CCDC158: variants seen among roughly 807,000 people sequenced by gnomAD.
The protein encoded by CCDC158 is coiled-coil domain-containing protein 158.
A neutral mutation model predicts 138.6 loss-of-function variants in CCDC158; 116 were observed. The ratio of observed to expected loss-of-function variants is 0.84; its 90% CI spans 0.72 to 0.98. The LOEUF is 0.98. Ranked by LOEUF, CCDC158 falls within the 50% of genes least tolerant of loss-of-function variation. The pLI, the probability that CCDC158 is intolerant of heterozygous loss-of-function variation, is 0.00. For synonymous variants in CCDC158, 436 were observed against 442.4 expected (o/e 0.99, Z 0.18); for missense variants, 1,265 against 1,306.1 (o/e 0.97, Z 0.48).
intron 4 of CCDC158, among the ~76,000 whole-genome samples, chr4:76,388,069 C>T (rs761944726): frequency 7.9e-5 from 12 of 152,034 alleles, no homozygotes; most frequent in Non-Finnish European, 1.6e-4. Context: ...CCTGAATAAC[C>T]AGCAGTGATA....
chr4:76,386,899 T>C (rs1015433220), intron 4 of CCDC158, among the ~76,000 whole-genome samples: 3 of 152,140 alleles, frequency 2.0e-5, no homozygotes, highest in African/African-American at 7.2e-5. Context: ...AGGGGAATGG[T>C]CCATTTCAGT....
intron 12 of CCDC158, among the ~76,000 whole-genome samples, chr4:76,363,194 C>A (rs1724320898): frequency 6.6e-6 from 1 of 152,154 alleles, no homozygotes. Flanking sequence ...TGGGACCAAA[C>A]TCCAATATAA....
At chr4:76,353,939 T>C (rs1723286490) in intron 15 of CCDC158, among the ~76,000 whole-genome samples, 1 of 152,212 alleles carries the variant, frequency 6.6e-6, no homozygotes. Context: ...AGTCTACATT[T>C]CTTTATGTAT....
intron 23 of CCDC158, among the ~76,000 whole-genome samples, chr4:76,324,716 C>A (rs1191370427): frequency 6.6e-6 from 1 of 152,208 alleles, no homozygotes; most frequent in Non-Finnish European, 1.5e-5. Flanking sequence ...TCTGATTAAT[C>A]CCAGTTCCAG....
chr4:76,376,026 C>T (rs1302344131), intron 9 of CCDC158, among the ~76,000 whole-genome samples: 1 of 151,914 alleles, frequency 6.6e-6, no homozygotes, highest in Non-Finnish European at 1.5e-5. Context: ...TATCAACACA[C>T]CTTTATTAGT....
In CCDC158 at chr4:76,399,190, T is replaced by C. The variant is rs531222183; in HGVS notation, c.71-2704A>G. 8.9e-4 allele frequency among the ~76,000 whole-genome samples: 136 copies of C among 152,312 alleles called. 1 individual carries two copies. The highest frequency in any genetic ancestry group is 3.0e-3 in the African/African-American group (123 of 41,568). ...GCAAATATGACAAAATGTGGACAGC[T>C]GGTGAATCCAGCTGGAGGGTATATA... On this transcript the variant is annotated intron_variant, in intron 3 of 24. Coordinates refer to ENST00000682701, the MANE Select transcript of CCDC158 (RefSeq NM_001394954.1).
intron 2 of CCDC158, among the ~76,000 whole-genome samples, chr4:76,408,582 A>G (rs1729029370): frequency 6.6e-6 from 1 of 152,098 alleles, no homozygotes; most frequent in South Asian, 2.1e-4. Context: ...AATCCAGTCT[A>G]TCATTGTTGG....
chr4:76,418,762 A>G (rs559845456), intron 1 of CCDC158, among the ~76,000 whole-genome samples: 2 of 152,120 alleles, frequency 1.3e-5, no homozygotes, highest in African/African-American at 2.4e-5. Context: ...CCCGCAACAC[A>G]CGGGAATTGT....
chr4:76,362,727 G>C (rs1724271501), intron 12 of CCDC158, among the ~76,000 whole-genome samples: 1 of 152,214 alleles, frequency 6.6e-6, no homozygotes, highest in South Asian at 2.1e-4. Context: ...GAAGCAGCTA[G>C]GTGAGGGCCT....
At chr4:76,332,310 C>A in intron 20 of CCDC158, 122 bp downstream of exon 20, 1 of 708,458 alleles carries the variant, frequency 1.4e-6, no homozygotes, top group East Asian at 3.0e-5. Context: ...AGTTAAACAA[C>A]GAACCCAATA....
intron 18 of CCDC158, among the ~76,000 whole-genome samples, chr4:76,348,834 G>A (rs1317344711): frequency 6.6e-6 from 1 of 152,076 alleles, no homozygotes. Context: ...AAGGCATGAT[G>A]AATAAACAAT....
intron 18 of CCDC158, among the ~76,000 whole-genome samples, chr4:76,338,696 C>G (rs1721772494): frequency 6.6e-6 from 1 of 152,250 alleles, no homozygotes; most frequent in African/African-American, 2.4e-5. Flanking sequence ...TACAGCTGCA[C>G]CTGGTGGCAG....
In CCDC158 at chr4:76,334,086, T is replaced by G. The variant is rs1721247797; in HGVS notation, c.2746A>C (p.Asn916His). The change falls in exon 19 of 25, where the codon AAT becomes CAT. Residue 916 changes from asparagine to histidine, a missense_variant. Transcript: ENST00000682701. Reference protein sequence around the residue: ...QLLQELRSVINEEPAVSLSKT... With the variant: ...QLLQELRSVIHEEPAVSLSKT... ...CTCAGAGACACAGCTGGCTCCTCATTGATCACGCTTCTCAACTCTTGGAGA... is the reference window on the plus strand; with the variant it reads ...CTCAGAGACACAGCTGGCTCCTCATGGATCACGCTTCTCAACTCTTGGAGA... The G allele has an allele frequency of 2.5e-6, 4 of 1,614,004 alleles. No homozygotes were observed. The East Asian group carries it at 8.9e-5, about 36-fold the overall frequency.
intron 3 of CCDC158, among the ~76,000 whole-genome samples, chr4:76,400,736 T>A (rs1728297652): frequency 6.6e-6 from 1 of 152,028 alleles, no homozygotes; most frequent in South Asian, 2.1e-4. Flanking sequence ...AAGTGGAAAA[T>A]CCACATTTGT....
At position 76,325,968 on chromosome 4, in the gene CCDC158, GAGA is replaced by G. The variant is rs1192345976; in HGVS notation, c.3055_3057del (p.Ser1019del). On this transcript the variant is annotated inframe_deletion, in exon 23 of 25. Transcript: ENST00000682701. Reference sequence around the variant, plus strand: ...AGTGAGTGCACTGGAGACTTCTTAGGAGAAGAATTGAATGAACGAGAAGCTGAG... The same window carrying G: ...AGTGAGTGCACTGGAGACTTCTTAGGAGAATTGAATGAACGAGAAGCTGAG... The G allele has an allele frequency of 4.3e-6, 7 of 1,613,108 alleles. No individual in the cohort carries two copies. Among genetic ancestry groups the G allele is most frequent in the African/African-American group, 4.0e-5 (3 of 74,888 alleles).
intron 8 of CCDC158, among the ~76,000 whole-genome samples, 164 bp downstream of exon 8, chr4:76,382,446 T>C (rs1057290795): frequency 2.0e-5 from 3 of 148,030 alleles, no homozygotes; most frequent in African/African-American, 8.0e-5. Context: ...CAGATAACAG[T>C]ACCTATGTTA....
chr4:76,409,554 G>C (rs907874084), intron 2 of CCDC158, among the ~76,000 whole-genome samples: 3 of 152,118 alleles, frequency 2.0e-5, no homozygotes, highest in African/African-American at 7.2e-5. Context: ...TATCTAGGCC[G>C]GGAGCAGTGG....
chr4:76,354,541 A>T (rs1723355615), intron 15 of CCDC158, among the ~76,000 whole-genome samples: 1 of 152,158 alleles, frequency 6.6e-6, no homozygotes, highest in South Asian at 2.1e-4. Flanking sequence ...AAAGTAATGG[A>T]TATACCAGAG....
intron 24 of CCDC158, among the ~76,000 whole-genome samples, chr4:76,319,812 A>G (rs940501609): frequency 6.6e-6 from 1 of 152,112 alleles, no homozygotes; most frequent in African/African-American, 2.4e-5. Context: ...AAAACCATCT[A>G]TGACAAACTC....
Sources: gnomAD v4.1 joint callset for allele counts (sites outside exome capture counted in the v4.1 genomes callset) on GRCh38, gnomAD v4.1.1 for gene constraint, MANE v1.5 for transcripts, NCBI Gene and HGNC (gene_info 2026-07-23, HGNC 2026-07-21) for gene names.